CRADD: variants seen among roughly 807,000 people sequenced by gnomAD.
The protein encoded by CRADD is CARD and death domain containing adaptor protein, also known as death domain-containing protein CRADD.
Under a neutral mutation model 15.5 loss-of-function variants are expected in CRADD, and 9 were observed. That is an observed-to-expected ratio of 0.58 (90% confidence interval 0.35 to 1.01). The LOEUF is 1.01. Ranked by LOEUF, CRADD falls within the 50% of genes least tolerant of loss-of-function variation. The probability of loss-of-function intolerance (pLI) is 0.02; values close to 1 mark genes in which losing one functional copy is unlikely to be tolerated. For missense variants in CRADD, 227 were observed against 250.3 expected (o/e 0.91, Z 0.63); for synonymous variants, 118 against 107.6 (o/e 1.10, Z -0.60).
chr12:93,686,304 C>CAAAAAAAAAAAAAAAAAAAAAAAA (rs59096792), intron 2 of CRADD, among the ~76,000 whole-genome samples: 13 of 65,994 alleles, frequency 2.0e-4, no homozygotes, highest in East Asian at 4.9e-4. Flanking sequence ...CCATCCCCCC[C>CAAAAAAAAAAAAAAAAAAAAAAAA]AAAAAAAAAA....
chr12:93,816,864 G>A (rs1957706337), intron 2 of CRADD, among the ~76,000 whole-genome samples: 2 of 152,158 alleles, frequency 1.3e-5, no homozygotes, highest in African/African-American at 4.8e-5. Flanking sequence ...CTTAAAAAAT[G>A]TGAGACGGTT....
chr12:93,687,547 G>T (rs1338912504), intron 2 of CRADD, among the ~76,000 whole-genome samples: 1 of 152,164 alleles, frequency 6.6e-6, no homozygotes, highest in East Asian at 1.9e-4. Flanking sequence ...ACGTACAAAT[G>T]CTTCGTGAGG....
At chr12:93,888,151 C>T (rs11107235) in intron 2 of CRADD, among the ~76,000 whole-genome samples, 77,452 of 151,982 alleles carry the variant, frequency 0.51, 20,865 homozygotes, top group Non-Finnish European at 0.61. Context: ...GCAGGCCGGG[C>T]GCGGTGGCTT....
intron 2 of CRADD, among the ~76,000 whole-genome samples, chr12:93,701,696 C>G (rs182449978): frequency 1.6e-3 from 244 of 152,190 alleles, no homozygotes; most frequent in African/African-American, 5.0e-3. Context: ...TAGTGAGTAA[C>G]ATTCTCTATG....
At chr12:93,699,004 A>G (rs1434209494) in intron 2 of CRADD, among the ~76,000 whole-genome samples, 1 of 152,144 alleles carries the variant, frequency 6.6e-6, no homozygotes, top group Middle Eastern at 3.2e-3. Context: ...GAAAAAGCCT[A>G]CCACCCCTGG....
chr12:93,813,610 C>T (rs995637492), intron 2 of CRADD, among the ~76,000 whole-genome samples: 5 of 152,184 alleles, frequency 3.3e-5, no homozygotes, highest in African/African-American at 4.8e-5. Context: ...TTGAGTTCTC[C>T]GGCTCATGTA....
intron 2 of CRADD, among the ~76,000 whole-genome samples, chr12:93,834,621 T>C (rs1240477864): frequency 6.6e-6 from 1 of 152,166 alleles, no homozygotes; most frequent in African/African-American, 2.4e-5. Context: ...CCCAAGTAGC[T>C]GGGACTACAG....
At chr12:93,794,156 A>G (rs938483020) in intron 2 of CRADD, among the ~76,000 whole-genome samples, 9 of 152,106 alleles carry the variant, frequency 5.9e-5, no homozygotes, top group African/African-American at 2.2e-4. Context: ...TTTCTTCTGC[A>G]TCTTGCTGGT....
intron 2 of CRADD, among the ~76,000 whole-genome samples, chr12:93,753,509 C>T (rs760105193): frequency 3.9e-5 from 6 of 152,146 alleles, no homozygotes; most frequent in African/African-American, 7.2e-5. Context: ...AAGTCCCTTC[C>T]GCTTATGAGC....
chr12:93,718,948 T>C (rs1318581197), intron 2 of CRADD, among the ~76,000 whole-genome samples: 2 of 151,918 alleles, frequency 1.3e-5, no homozygotes, highest in African/African-American at 4.8e-5. Context: ...TTTGTAGAGA[T>C]GGGGTTTTGT....
chr12:93,768,130 T>C (rs1957044967), intron 2 of CRADD, among the ~76,000 whole-genome samples: 1 of 152,196 alleles, frequency 6.6e-6, no homozygotes, highest in South Asian at 2.1e-4. Context: ...TAATTAGATA[T>C]TACGTAAACC....
intron 2 of CRADD, among the ~76,000 whole-genome samples, chr12:93,835,571 TC>T (rs1244443969): frequency 7.2e-5 from 11 of 152,318 alleles, no homozygotes; most frequent in South Asian, 2.1e-4. Context: ...CATTAATCTT[TC>T]TGATGGATTA....
chr12:93,678,343 TTGG>T (rs990495976), intron 1 of CRADD, among the ~76,000 whole-genome samples: 1 of 152,204 alleles, frequency 6.6e-6, no homozygotes, highest in African/African-American at 2.4e-5. Context: ...AGTTTCTGCC[TTGG>T]TGGTGGTGGT....
chr12:93,854,758 C>A (rs1958257652), downstream of CRADD, among the ~76,000 whole-genome samples: 1 of 152,188 alleles, frequency 6.6e-6, no homozygotes, highest in Non-Finnish European at 1.5e-5. Context: ...CCTGCTCAGC[C>A]ACATACGTTT....
At chr12:93,729,558 G>A (rs1383722034) in intron 2 of CRADD, among the ~76,000 whole-genome samples, 1 of 151,956 alleles carries the variant, frequency 6.6e-6, no homozygotes, top group Admixed American at 6.6e-5. Flanking sequence ...AGGCCAAGGC[G>A]GGCAGATCAC....
At chr12:93,804,034 G>A (rs1485542026) in intron 2 of CRADD, among the ~76,000 whole-genome samples, 2 of 152,096 alleles carry the variant, frequency 1.3e-5, no homozygotes, top group Admixed American at 6.6e-5. Context: ...CTCCAAAAGG[G>A]AGCACAGGTC....
At chr12:93,806,176 G>A (rs555178522) in intron 2 of CRADD, among the ~76,000 whole-genome samples, 44 of 151,952 alleles carry the variant, frequency 2.9e-4, no homozygotes, top group Admixed American at 3.3e-4. Flanking sequence ...AGAGGTGGCC[G>A]GGCGCAGTGG....
intron 2 of CRADD, among the ~76,000 whole-genome samples, chr12:93,810,710 C>T (rs1231078704): frequency 1.3e-5 from 2 of 152,052 alleles, no homozygotes; most frequent in African/African-American, 4.8e-5. Flanking sequence ...TGCCTCAAGG[C>T]CCTACTAAGT....
intron 2 of CRADD, among the ~76,000 whole-genome samples, chr12:93,723,245 G>A (rs1368578211): frequency 6.6e-6 from 1 of 152,204 alleles, no homozygotes; most frequent in Admixed American, 6.5e-5. Context: ...TTAGCCACAA[G>A]ATTAGAAATT....
Sources: allele counts gnomAD v4.1 joint callset (sites outside exome capture counted in the v4.1 genomes callset), GRCh38; gene constraint gnomAD v4.1.1; transcripts MANE v1.5; gene names NCBI Gene and HGNC (gene_info 2026-07-23, HGNC 2026-07-21).